PKP2: variants seen among roughly 807,000 people sequenced by gnomAD.
PKP2 encodes plakophilin 2.
PKP2 carries 73 observed loss-of-function variants against 83.4 expected under a neutral mutation model. The ratio of observed to expected loss-of-function variants is 0.88; its 90% CI spans 0.72 to 1.06. The LOEUF (loss-of-function observed/expected upper bound fraction) is 1.06. Among genes scored for constraint, PKP2 ranks in the 50% least tolerant of loss-of-function variants. PKP2 has a pLI of 0.00. For synonymous variants in PKP2, 409 were observed against 430.4 expected, an observed-to-expected ratio of 0.95 and a Z score of 0.62; for missense variants, 966 against 1,065.4, an observed-to-expected ratio of 0.91 and a Z score of 1.30.
In PKP2 at chr12:32,874,370, C is replaced by T. The variant is rs552209642; in HGVS notation, c.1034+3476G>A. Among the ~76,000 whole-genome samples the T allele has an allele frequency of 2.5e-4, 38 of 152,230 alleles. No individual in the cohort carries two copies. The South Asian group carries it at 7.7e-3, about 31-fold the overall frequency. ...AAGGGGGAGGTCAGACAGGCACAGG[C>T]ACCACCTTGGGCATCTATCTTCCTC... is the stretch of plus-strand genomic sequence containing the variant. On this transcript the variant is annotated intron_variant, in intron 3 of 12. Coordinates refer to ENST00000340811, the MANE Select transcript of PKP2 (RefSeq NM_001005242.3).
chr12:32,814,276 A>C (rs1369495224), intron 9 of PKP2, among the ~76,000 whole-genome samples: 1 of 151,696 alleles, frequency 6.6e-6, no homozygotes, highest in African/African-American at 2.4e-5. Context: ...AGCCTTCTCC[A>C]CCTCCTATTC....
At chr12:32,870,940 C>G (rs921621898) in intron 3 of PKP2, among the ~76,000 whole-genome samples, 1 of 152,154 alleles carries the variant, frequency 6.6e-6, no homozygotes, top group Non-Finnish European at 1.5e-5. Flanking sequence ...CTTAGGCAAT[C>G]CAATGCGATT....
intron 3 of PKP2, among the ~76,000 whole-genome samples, chr12:32,877,527 T>G (rs953761120): frequency 2.0e-5 from 3 of 152,202 alleles, no homozygotes; most frequent in Non-Finnish European, 4.4e-5. Flanking sequence ...TCTCCAATTC[T>G]TGGCCTACTT....
chr12:32,809,063 G>A (rs1311771607), intron 9 of PKP2, among the ~76,000 whole-genome samples: 1 of 152,174 alleles, frequency 6.6e-6, no homozygotes, highest in African/African-American at 2.4e-5. Flanking sequence ...TGCTCTGTTG[G>A]GGAGGACCCT....
intron 4 of PKP2, among the ~76,000 whole-genome samples, chr12:32,855,066 A>C (rs933567077): frequency 6.6e-6 from 1 of 152,242 alleles, no homozygotes; most frequent in African/African-American, 2.4e-5. Flanking sequence ...AAACTGGCAT[A>C]ATCTTTCAGG....
chr12:32,861,624 A>G (rs1258501125), intron 4 of PKP2, among the ~76,000 whole-genome samples: 1 of 152,200 alleles, frequency 6.6e-6, no homozygotes, highest in Non-Finnish European at 1.5e-5. Flanking sequence ...AAGGAGGAAT[A>G]GAAAAACTGT....
chr12:32,894,706 G>T (rs997608226), intron 1 of PKP2: 2 of 152,174 alleles, frequency 1.3e-5, no homozygotes, highest in Non-Finnish European at 2.9e-5. Context: ...CAGAGGATAA[G>T]AAAGAATATC....
chr12:32,818,398 T>G (rs1168576640), intron 9 of PKP2, among the ~76,000 whole-genome samples: 2 of 152,134 alleles, frequency 1.3e-5, no homozygotes, highest in Non-Finnish European at 2.9e-5. Flanking sequence ...GAGACAGAGG[T>G]TGCAGTGAGC....
chr12:32,825,635 G>A (rs1956432035), intron 6 of PKP2, among the ~76,000 whole-genome samples: 1 of 152,196 alleles, frequency 6.6e-6, no homozygotes, highest in Non-Finnish European at 1.5e-5. Flanking sequence ...AGAAGCTGTG[G>A]CTCATGCCTG....
rs765071380 is a variant in PKP2 at position 32,865,681 on chromosome 12, C to CAAAAAAAAAAAAAAAAAAA, written c.1170+3245_1170+3246insTTTTTTTTTTTTTTTTTTT. ...TGTCTGGAACAGAGTGACTCCGTCT[C>CAAAAAAAAAAAAAAAAAAA]AAAAAAAAAAAGACAAATAGATCAA... On this transcript the variant is annotated intron_variant, in intron 4 of 12. Coordinates refer to ENST00000340811, the MANE Select transcript of PKP2 (RefSeq NM_001005242.3). Among the ~76,000 whole-genome samples, 58 of 103,618 alleles carry CAAAAAAAAAAAAAAAAAAA rather than the reference C, an allele frequency of 5.6e-4. 10 individuals are homozygous for CAAAAAAAAAAAAAAAAAAA. The highest frequency in any genetic ancestry group is 2.8e-3 in the African/African-American group (50 of 17,868). 68.0% of individuals were successfully genotyped at this position (103,618 alleles called of 152,430 possible).
chr12:32,850,407 A>G (rs1956685131), intron 5 of PKP2, among the ~76,000 whole-genome samples: 1 of 152,026 alleles, frequency 6.6e-6, no homozygotes, highest in Non-Finnish European at 1.5e-5. Flanking sequence ...CGTCTCTACT[A>G]AAAATACAAA....
Position 32,850,953 on chromosome 12 carries a change from G to A in PKP2, c.1191C>T (p.Ile397=). The A allele has an allele frequency of 6.8e-6, 11 of 1,614,074 alleles. No homozygotes were observed. Among genetic ancestry groups the A allele is most frequent in the Non-Finnish European group, 9.3e-6 (11 of 1,179,992 alleles). The part of the protein sequence containing the change: ...ARKRVNQLRG[I]LKLLQLLKVQ... Reference sequence around the variant, plus strand: ...CTTTTAGGAGCTGCAGAAGCTTGAGGATGCCACGAAGCTGGTTAACCTGGG... The same window carrying A: ...CTTTTAGGAGCTGCAGAAGCTTGAGAATGCCACGAAGCTGGTTAACCTGGG... The change falls in exon 5 of 13, where the codon ATC becomes ATT. Residue 397 remains isoleucine (I), a synonymous_variant. Coordinates refer to ENST00000340811, the MANE Select transcript of PKP2 (RefSeq NM_001005242.3).
At chr12:32,792,977 G>A (rs1177423327) in intron 11 of PKP2, 2 of 477,612 alleles carry the variant, frequency 4.2e-6, no homozygotes, top group Non-Finnish European at 7.7e-6. Context: ...TAGGCCAGGT[G>A]GGGTGGCTCA....
In PKP2 at chr12:32,868,515, T is replaced by C. The variant is rs183635579; in HGVS notation, c.1170+412A>G. 4.4e-3 allele frequency among the ~76,000 whole-genome samples: 663 copies of C among 151,284 alleles called. 2 individuals are homozygous for C. The highest frequency in any genetic ancestry group is 0.012 in the African/African-American group (511 of 41,186). ...TACAGGCGTGAGCCACTGCACCCGG[T>C]TGATTTTTTCTTTTCTTTTTTTTCT... On this transcript the variant is annotated intron_variant, in intron 4 of 12. Transcript: ENST00000340811.
intron 10 of PKP2, among the ~76,000 whole-genome samples, chr12:32,797,182 G>A (rs1212017371): frequency 6.6e-6 from 1 of 151,998 alleles, no homozygotes; most frequent in African/African-American, 2.4e-5. Flanking sequence ...GCTCACACCT[G>A]TAATCCCAGC....
At chr12:32,798,459 A>G (rs924830118) in intron 10 of PKP2, among the ~76,000 whole-genome samples, 26 of 150,760 alleles carry the variant, frequency 1.7e-4, no homozygotes, top group African/African-American at 5.0e-4. Context: ...CTTCTTGGTT[A>G]TAAGTTTTGA....
At position 32,859,463 on chromosome 12, in the gene PKP2, G is replaced by T. The variant is rs572062506; in HGVS notation, c.1171-8490C>A. ...ATTTTTCTCAGTAACTTTTTTTTTT[G>T]TGTGTGTGTGTGTGACAGAGTCTCT... On this transcript the variant is annotated intron_variant, in intron 4 of 12. Coordinates refer to ENST00000340811, the MANE Select transcript of PKP2 (RefSeq NM_001005242.3). Among the ~76,000 whole-genome samples the T allele has an allele frequency of 2.3e-3, 331 of 144,808 alleles. 4 individuals are homozygous for T. Among genetic ancestry groups the T allele is most frequent in the African/African-American group, 7.1e-3 (280 of 39,340 alleles). 95.0% of individuals were successfully genotyped at this position (144,808 alleles called of 152,430 possible). A position where few individuals can be genotyped will look rare whatever the true frequency, so the allele number is the denominator to read the frequency against.
intron 4 of PKP2, among the ~76,000 whole-genome samples, chr12:32,856,430 G>A (rs970159066): frequency 6.6e-6 from 1 of 152,098 alleles, no homozygotes; most frequent in African/African-American, 2.4e-5. Context: ...AGGGAAAGAT[G>A]TGGGTAGATT....
chr12:32,793,074 G>C (rs1275610068), intron 11 of PKP2, among the ~76,000 whole-genome samples: 1 of 152,030 alleles, frequency 6.6e-6, no homozygotes, highest in Non-Finnish European at 1.5e-5. Flanking sequence ...AACCCCGTCT[G>C]TACTAAAAAT....
Sources: allele counts gnomAD v4.1 joint callset (sites outside exome capture counted in the v4.1 genomes callset), GRCh38; gene constraint gnomAD v4.1.1; transcripts MANE v1.5; gene names NCBI Gene and HGNC (gene_info 2026-07-23, HGNC 2026-07-21).